The following SCHIP1 variants were observed in gnomAD, a reference collection of about 807,000 sequenced individuals.
SCHIP1 encodes the protein schwannomin-interacting protein 1.
A neutral mutation model predicts 29.7 loss-of-function variants in SCHIP1; 8 were observed. The ratio of observed to expected loss-of-function variants is 0.27; its 90% CI spans 0.16 to 0.49. The LOEUF is 0.49. Ranked by LOEUF, SCHIP1 falls within the 20% of genes least tolerant of loss-of-function variation. The pLI is 0.99. For missense variants in SCHIP1, 193 were observed against 294.6 expected (o/e 0.66, Z 2.52); for synonymous variants, 76 against 94.9 (o/e 0.80, Z 1.16).
the SCHIP1 span, among the ~76,000 whole-genome samples, chr3:159,739,491 A>C: frequency 2.6e-5 from 4 of 152,262 alleles, no homozygotes; most frequent in Non-Finnish European, 4.4e-5. Flanking sequence ...GCTGCTAAAT[A>C]ACATATAAAA....
chr3:159,681,090 A>G, the SCHIP1 span, among the ~76,000 whole-genome samples: 25 of 152,168 alleles, frequency 1.6e-4, no homozygotes, highest in Admixed American at 1.4e-3. Flanking sequence ...TACGGGTCCC[A>G]TGTTTTAATC....
chr3:159,854,607 T>A (rs996749541), intron 1 of SCHIP1, among the ~76,000 whole-genome samples: 5 of 152,202 alleles, frequency 3.3e-5, no homozygotes, highest in African/African-American at 1.2e-4. Flanking sequence ...ACTTCCCAGC[T>A]GTCCGCTTCT....
At chr3:159,549,366 C>G in the SCHIP1 span, among the ~76,000 whole-genome samples, 1 of 152,088 alleles carries the variant, frequency 6.6e-6, no homozygotes, top group East Asian at 1.9e-4. Context: ...TGTGTCCCCC[C>G]ACAAAATTTA....
chr3:159,516,479 C>T, the SCHIP1 span, among the ~76,000 whole-genome samples: 1 of 152,120 alleles, frequency 6.6e-6, no homozygotes, highest in African/African-American at 2.4e-5. Context: ...AATCCTTCTC[C>T]TCCTTTCATC....
At chr3:159,655,401 G>A in the SCHIP1 span, among the ~76,000 whole-genome samples, 87 of 151,018 alleles carry the variant, frequency 5.8e-4, no homozygotes, top group African/African-American at 2.0e-3. Context: ...GATGATGATG[G>A]TGATGATGAT....
the SCHIP1 span, among the ~76,000 whole-genome samples, chr3:159,293,783 T>C: frequency 6.6e-6 from 1 of 152,066 alleles, no homozygotes; most frequent in Non-Finnish European, 1.5e-5. Flanking sequence ...AACTCAATAG[T>C]TATAGGGCAA....
chr3:159,656,409 C>G, the SCHIP1 span, among the ~76,000 whole-genome samples: 208 of 152,262 alleles, frequency 1.4e-3, 1 homozygote, highest in Non-Finnish European at 2.2e-3. Flanking sequence ...GCCCCCACAA[C>G]CTCCTCTTGT....
the SCHIP1 span, among the ~76,000 whole-genome samples, chr3:159,617,055 T>A: frequency 2.0e-5 from 3 of 152,300 alleles, no homozygotes; most frequent in East Asian, 5.8e-4. Flanking sequence ...ACATGCTGAG[T>A]TAGAGCATTG....
the SCHIP1 span, among the ~76,000 whole-genome samples, chr3:159,365,590 G>C: frequency 6.6e-6 from 1 of 152,154 alleles, no homozygotes; most frequent in South Asian, 2.1e-4. Context: ...TATTGTGTTT[G>C]CTTTAAGTTC....
chr3:159,797,393 A>G, the SCHIP1 span, among the ~76,000 whole-genome samples: 1 of 152,220 alleles, frequency 6.6e-6, no homozygotes, highest in East Asian at 1.9e-4. Context: ...TGAATTAAGC[A>G]TGATACCAAC....
chr3:159,757,547 T>C, the SCHIP1 span, among the ~76,000 whole-genome samples: 1 of 152,164 alleles, frequency 6.6e-6, no homozygotes, highest in Non-Finnish European at 1.5e-5. Context: ...CTTTAATGAC[T>C]CAGACCTGGA....
chr3:159,373,797 ACAC>A, the SCHIP1 span, among the ~76,000 whole-genome samples: 9 of 152,184 alleles, frequency 5.9e-5, no homozygotes, highest in Admixed American at 4.6e-4. Context: ...ATACACACAC[ACAC>A]CACATTTTAA....
chr3:159,539,145 G>A, the SCHIP1 span, among the ~76,000 whole-genome samples: 2 of 152,032 alleles, frequency 1.3e-5, no homozygotes, highest in African/African-American at 4.8e-5. Context: ...ATTAGAGAAC[G>A]CAGTGCCCAT....
chr3:159,675,991 C>A, the SCHIP1 span, among the ~76,000 whole-genome samples: 5 of 152,036 alleles, frequency 3.3e-5, no homozygotes, highest in Non-Finnish European at 5.9e-5. Flanking sequence ...ATTAGCCAGG[C>A]GTGGTGGCAG....
the SCHIP1 span, among the ~76,000 whole-genome samples, chr3:159,590,341 G>A: frequency 1.3e-5 from 2 of 152,088 alleles, no homozygotes; most frequent in Admixed American, 6.6e-5. Context: ...TTTCAGAGGC[G>A]AAGGTGGGAG....
At chr3:159,840,089 G>A (rs1744080169) in exon 1 of SCHIP1, 2 of 1,526,242 alleles carry the variant, frequency 1.3e-6, no homozygotes, top group African/African-American at 2.8e-5. Context: ...CCTTACCAGG[G>A]CGTTCTCTCC....
the SCHIP1 span, chr3:159,768,643 G>A: frequency 6.6e-6 from 1 of 152,362 alleles, no homozygotes; most frequent in African/African-American, 2.4e-5. Context: ...GAGCTTGGAT[G>A]CTGTCAGGAA....
chr3:159,767,896 G>A, the SCHIP1 span, among the ~76,000 whole-genome samples: 1 of 152,152 alleles, frequency 6.6e-6, no homozygotes, highest in Non-Finnish European at 1.5e-5. Context: ...AAATGTAGGC[G>A]GGAGTTCTTG....
At chr3:159,614,900 T>C in the SCHIP1 span, among the ~76,000 whole-genome samples, 2 of 152,166 alleles carry the variant, frequency 1.3e-5, no homozygotes, top group African/African-American at 4.8e-5. Context: ...AAATAAGGCA[T>C]GACAGACTGT....
Sources: allele counts gnomAD v4.1 joint callset (sites outside exome capture counted in the v4.1 genomes callset), GRCh38; gene constraint gnomAD v4.1.1; transcripts MANE v1.5; gene names NCBI Gene and HGNC (gene_info 2026-07-23, HGNC 2026-07-21).